Variants in EYS observed in about 807,000 individuals in gnomAD.
The protein encoded by EYS is protein eyes shut homolog.
In EYS, 250 loss-of-function variants were observed where a neutral mutation model predicts 282.1. That is an observed-to-expected ratio of 0.89 (90% CI 0.80 to 0.98). EYS has a LOEUF of 0.98. Among genes scored for constraint, EYS ranks in the 50% least tolerant of loss-of-function variants. The pLI is 0.00. For missense variants in EYS, 4,016 were observed against 3,709.0 expected, an observed-to-expected ratio of 1.08 and a Z score of -2.15; for synonymous variants, 1,355 against 1,282.9, an observed-to-expected ratio of 1.06 and a Z score of -1.20.
Position 64,616,356 on chromosome 6 carries a change from G to C in EYS, c.3684+1062C>G, listed in dbSNP as rs1180796809. On this transcript the variant is annotated intron_variant, in intron 24 of 42. Transcript: ENST00000503581. ...AGATCTATCGCTTTTGTAGCAGTAA[G>C]AGAAAATCTTTTTCCTAGGGCAAAT... Among the ~76,000 whole-genome samples the C allele has an allele frequency of 2.0e-5, 3 of 152,094 alleles. No individual in the cohort carries two copies. In the East Asian group the frequency reaches 5.8e-4, roughly 29 times the overall value.
chr6:65,471,129 G>A (rs1045607838), intron 5 of EYS, among the ~76,000 whole-genome samples: 1 of 150,018 alleles, frequency 6.7e-6, no homozygotes, highest in Non-Finnish European at 1.5e-5. Flanking sequence ...AGAGCACGAC[G>A]CCGTCTCAAA....
chr6:65,223,716 G>A (rs1766538537), intron 12 of EYS, among the ~76,000 whole-genome samples: 1 of 152,086 alleles, frequency 6.6e-6, no homozygotes, highest in African/African-American at 2.4e-5. Context: ...TACCACAGTA[G>A]TCTAGGACAA....
At chr6:63,843,144 G>A (rs914190701) in intron 36 of EYS, among the ~76,000 whole-genome samples, 1 of 152,140 alleles carries the variant, frequency 6.6e-6, no homozygotes. Context: ...ATTCTGTGAA[G>A]AAAGTCAATG....
At chr6:64,557,433 T>C (rs570500351) in intron 26 of EYS, among the ~76,000 whole-genome samples, 1 of 152,118 alleles carries the variant, frequency 6.6e-6, no homozygotes, top group Non-Finnish European at 1.5e-5. Flanking sequence ...ACATGTTATT[T>C]TTGATATTCT....
intron 42 of EYS, among the ~76,000 whole-genome samples, chr6:63,722,046 T>C (rs1768418390): frequency 6.6e-6 from 1 of 152,158 alleles, no homozygotes; most frequent in Non-Finnish European, 1.5e-5. Flanking sequence ...AATGAATATA[T>C]TGTGGTAGTA....
intron 22 of EYS, among the ~76,000 whole-genome samples, chr6:64,688,897 T>C (rs1770263652): frequency 6.6e-6 from 1 of 151,956 alleles, no homozygotes; most frequent in African/African-American, 2.4e-5. Flanking sequence ...AGCATTCCCT[T>C]TGAAAACTGG....
chr6:63,960,041 G>T (rs1419889722), intron 35 of EYS, among the ~76,000 whole-genome samples: 1 of 151,236 alleles, frequency 6.6e-6, no homozygotes, highest in Non-Finnish European at 1.5e-5. Context: ...AAAAAAAAAG[G>T]AATTACATTT....
rs547311485 is a variant in EYS at position 65,217,210 on chromosome 6, A to T, written c.2023+78653T>A. Among the ~76,000 whole-genome samples the T allele has an allele frequency of 5.3e-4, 80 of 152,182 alleles. 1 individual carries two copies. The highest frequency in any genetic ancestry group is 1.9e-3 in the African/African-American group (78 of 41,556). On this transcript the variant is annotated intron_variant, in intron 12 of 42. Transcript: ENST00000503581. ...TGAATCTTGGAGGATTGTCAGCTGG[A>T]ATCCAAACTCAATGTATCATTTTAA...
At chr6:64,335,219 A>G (rs550645500) in intron 29 of EYS, among the ~76,000 whole-genome samples, 1 of 152,140 alleles carries the variant, frequency 6.6e-6, no homozygotes, top group South Asian at 2.1e-4. Flanking sequence ...TAAAATCCTC[A>G]TAAAGTTGCT....
intron 13 of EYS, among the ~76,000 whole-genome samples, chr6:65,012,075 C>A (rs1366702291): frequency 1.3e-5 from 2 of 152,126 alleles, no homozygotes; most frequent in African/African-American, 4.8e-5. Context: ...TGTTGCTATT[C>A]TCAAAACAAG....
chr6:64,809,366 A>T (rs1360841070), intron 22 of EYS, among the ~76,000 whole-genome samples: 1 of 152,138 alleles, frequency 6.6e-6, no homozygotes, highest in African/African-American at 2.4e-5. Flanking sequence ...ATTTACGATG[A>T]AAGAAAATAA....
chr6:64,048,204 C>T (rs978325741), intron 33 of EYS, among the ~76,000 whole-genome samples: 1 of 152,142 alleles, frequency 6.6e-6, no homozygotes, highest in Non-Finnish European at 1.5e-5. Flanking sequence ...CTGCGCACGG[C>T]CTTGATTTTG....
chr6:64,651,300 T>C (rs1272228563), intron 22 of EYS, among the ~76,000 whole-genome samples: 1 of 152,246 alleles, frequency 6.6e-6, no homozygotes, highest in Non-Finnish European at 1.5e-5. Context: ...TCTACAGTTC[T>C]ATATTACTTG....
At position 63,826,874 on chromosome 6, in the gene EYS, C is replaced by CA. The variant is rs574119158; in HGVS notation, c.7229-20503dup. On this transcript the variant is annotated intron_variant, in intron 36 of 42. Coordinates refer to ENST00000503581, the MANE Select transcript of EYS (RefSeq NM_001142800.2). ...AAAAAAAAAAAAAAAAGGACAAAAA[C>CA]AAAAAAAAAATACATAGGCAACAAA... 3.1e-3 allele frequency among the ~76,000 whole-genome samples: 283 copies of CA among 91,388 alleles called. 1 individual carries two copies. Among genetic ancestry groups the CA allele is most frequent in the Middle Eastern group, 0.015 (2 of 136 alleles). 60.0% of individuals were successfully genotyped at this position (91,388 alleles called of 152,430 possible). A position where few individuals can be genotyped will look rare whatever the true frequency, so the allele number is the denominator to read the frequency against.
intron 11 of EYS, among the ~76,000 whole-genome samples, chr6:65,325,955 T>C (rs1457787797): frequency 3.3e-5 from 5 of 152,214 alleles, no homozygotes; most frequent in Non-Finnish European, 5.9e-5. Flanking sequence ...GTTCTTGTTG[T>C]TGAGTAATCC....
At chr6:64,832,812 C>T (rs530617956) in intron 19 of EYS, among the ~76,000 whole-genome samples, 37 of 151,990 alleles carry the variant, frequency 2.4e-4, no homozygotes, top group African/African-American at 8.9e-4. Flanking sequence ...TTATTAATCA[C>T]ATATACAATA....
intron 13 of EYS, among the ~76,000 whole-genome samples, chr6:65,007,288 G>T (rs1024233084): frequency 4.6e-5 from 7 of 152,168 alleles, no homozygotes; most frequent in Non-Finnish European, 8.8e-5. Context: ...CCTTTTATCA[G>T]ATGGGAAACA....
At chr6:63,854,171 A>C (rs566084385) in intron 36 of EYS, among the ~76,000 whole-genome samples, 11 of 152,342 alleles carry the variant, frequency 7.2e-5, no homozygotes, top group African/African-American at 2.6e-4. Context: ...TCATTGCAGC[A>C]CTATTCACAA....
chr6:64,913,885 A>G (rs1200192219), intron 15 of EYS, among the ~76,000 whole-genome samples: 1 of 152,158 alleles, frequency 6.6e-6, no homozygotes, highest in Non-Finnish European at 1.5e-5. Flanking sequence ...ATAATGTGCG[A>G]TAATTGAAGG....
Sources: allele counts gnomAD v4.1 joint callset (sites outside exome capture counted in the v4.1 genomes callset), GRCh38; gene constraint gnomAD v4.1.1; transcripts MANE v1.5; gene names NCBI Gene and HGNC (gene_info 2026-07-23, HGNC 2026-07-21).